CTNNA3: variants seen among roughly 807,000 people sequenced by gnomAD.
CTNNA3 encodes catenin alpha 3, also known as catenin alpha-3.
In CTNNA3, 76 loss-of-function variants were observed where a neutral mutation model predicts 95.7. That is an observed-to-expected ratio of 0.79 (90% CI 0.66 to 0.96). The LOEUF (loss-of-function observed/expected upper bound fraction) is 0.96. Among genes scored for constraint, CTNNA3 ranks in the 40% least tolerant of loss-of-function variants. The pLI, the probability that CTNNA3 is intolerant of heterozygous loss-of-function variation, is 0.00. For missense variants in CTNNA3, 1,191 were observed against 1,089.8 expected, an observed-to-expected ratio of 1.09 and a Z score of -1.31; for synonymous variants, 431 against 374.4, an observed-to-expected ratio of 1.15 and a Z score of -1.74.
At chr10:67,156,002 G>A (rs952134078) in intron 7 of CTNNA3, among the ~76,000 whole-genome samples, 6 of 151,782 alleles carry the variant, frequency 4.0e-5, no homozygotes, top group Admixed American at 2.6e-4. Context: ...TTTTTTATTT[G>A]TTCATGATTC....
At chr10:66,234,171 T>C (rs1167816182) in intron 13 of CTNNA3, among the ~76,000 whole-genome samples, 1 of 152,214 alleles carries the variant, frequency 6.6e-6, no homozygotes, top group Non-Finnish European at 1.5e-5. Context: ...AATGCTTTCA[T>C]GGGTGTTTTC....
At chr10:66,406,542 A>G (rs1042624961) in intron 11 of CTNNA3, among the ~76,000 whole-genome samples, 2 of 152,210 alleles carry the variant, frequency 1.3e-5, no homozygotes, top group Admixed American at 6.5e-5. Context: ...TGTTATAATA[A>G]TAAGCTGATG....
chr10:67,132,279 A>G (rs1860053604), intron 7 of CTNNA3, among the ~76,000 whole-genome samples: 1 of 152,106 alleles, frequency 6.6e-6, no homozygotes, highest in Non-Finnish European at 1.5e-5. Context: ...ATGGAGATCA[A>G]CTGCTGAATT....
chr10:67,022,688 A>G (rs1428666368), intron 7 of CTNNA3, among the ~76,000 whole-genome samples: 1 of 152,180 alleles, frequency 6.6e-6, no homozygotes, highest in Non-Finnish European at 1.5e-5. Context: ...CTTTAATCCC[A>G]GCATTTTGGG....
chr10:67,228,613 CA>C (rs35051801), intron 5 of CTNNA3, among the ~76,000 whole-genome samples: 6 of 147,948 alleles, frequency 4.1e-5, no homozygotes, highest in South Asian at 2.1e-4. Flanking sequence ...AACTCCATCT[CA>C]AAAAAAAAAT....
chr10:66,173,138 G>A (rs1183711046), intron 13 of CTNNA3, among the ~76,000 whole-genome samples: 1 of 152,134 alleles, frequency 6.6e-6, no homozygotes, highest in Non-Finnish European at 1.5e-5. Flanking sequence ...TAATCTATTA[G>A]AAGGGTTTCA....
intron 9 of CTNNA3, among the ~76,000 whole-genome samples, chr10:66,679,711 A>C (rs916466761): frequency 6.6e-6 from 1 of 152,208 alleles, no homozygotes; most frequent in African/African-American, 2.4e-5. Flanking sequence ...TAAGTGGGAA[A>C]AATAAGCTAA....
At chr10:66,880,027 G>C (rs1844784954) in intron 7 of CTNNA3, among the ~76,000 whole-genome samples, 1 of 152,096 alleles carries the variant, frequency 6.6e-6, no homozygotes, top group Non-Finnish European at 1.5e-5. Flanking sequence ...AAAGAAGATT[G>C]TTCTGGCAGC....
chr10:67,656,951 A>G (rs916123504), intron 1 of CTNNA3, among the ~76,000 whole-genome samples: 2 of 152,228 alleles, frequency 1.3e-5, no homozygotes, highest in Non-Finnish European at 2.9e-5. Flanking sequence ...TCTGGTGAAT[A>G]GAACGAAGTA....
chr10:66,068,024 A>G lies in CTNNA3; in HGVS notation c.2159+1284T>C, dbSNP rs187090943. ...ATGCACGTATGAAAAGTTTATAAAGATTTTCATTTTACGCATATTCCCAAA... is the reference window on the plus strand; with the variant it reads ...ATGCACGTATGAAAAGTTTATAAAGGTTTTCATTTTACGCATATTCCCAAA... On this transcript the variant is annotated intron_variant, in intron 15 of 17. Coordinates refer to ENST00000433211, the MANE Select transcript of CTNNA3 (RefSeq NM_013266.4). Among the ~76,000 whole-genome samples the G allele has an allele frequency of 2.6e-3, 392 of 152,206 alleles. 1 individual carries two copies. Among genetic ancestry groups the G allele is most frequent in the Non-Finnish European group, 4.2e-3 (285 of 68,008 alleles).
chr10:67,751,524 TAA>T (rs1841407041), intron 1 of CTNNA3, among the ~76,000 whole-genome samples: 1 of 150,400 alleles, frequency 6.6e-6, no homozygotes, highest in Non-Finnish European at 1.5e-5. Flanking sequence ...GATGTAAAGA[TAA>T]ATAATAAAAA....
At chr10:66,447,326 T>G (rs2093430166) in intron 11 of CTNNA3, among the ~76,000 whole-genome samples, 1 of 151,060 alleles carries the variant, frequency 6.6e-6, no homozygotes, top group Non-Finnish European at 1.5e-5. Context: ...AAAAACTACT[T>G]TAAAGGTCAT....
chr10:67,395,977 A>G (rs992154360), intron 5 of CTNNA3, among the ~76,000 whole-genome samples: 2 of 152,190 alleles, frequency 1.3e-5, no homozygotes, highest in South Asian at 4.1e-4. Context: ...AGTATTATTA[A>G]CAGTAAATAT....
chr10:67,315,765 A>G (rs1394525687), intron 5 of CTNNA3, among the ~76,000 whole-genome samples: 1 of 152,134 alleles, frequency 6.6e-6, no homozygotes, highest in Non-Finnish European at 1.5e-5. Flanking sequence ...AAAGAATAAG[A>G]TATCAAAAAT....
chr10:67,756,102 G>A (rs1841431551), intron 1 of CTNNA3, among the ~76,000 whole-genome samples: 1 of 152,122 alleles, frequency 6.6e-6, no homozygotes, highest in Admixed American at 6.5e-5. Flanking sequence ...TATGTGGGAG[G>A]TAAAACAGTG....
At chr10:65,945,240 A>G (rs749088329) in intron 17 of CTNNA3, among the ~76,000 whole-genome samples, 1 of 152,112 alleles carries the variant, frequency 6.6e-6, no homozygotes, top group Non-Finnish European at 1.5e-5. Context: ...GGTTGGCTCA[A>G]TTGTGAAAAA....
intron 3 of CTNNA3, among the ~76,000 whole-genome samples, chr10:67,578,941 AT>A (rs1263291948): frequency 1.4e-5 from 2 of 142,484 alleles, no homozygotes; most frequent in East Asian, 4.0e-4. Context: ...GGTTTTATTG[AT>A]TGGCCATGTT....
Position 66,732,174 on chromosome 10 carries a change from C to T in CTNNA3, c.1281+34090G>A, listed in dbSNP as rs980440744. 2.6e-5 allele frequency among the ~76,000 whole-genome samples: 4 copies of T among 152,274 alleles called. No individual in the cohort carries two copies. In the Middle Eastern group the frequency reaches 0.014, roughly 518 times the overall value. On this transcript the variant is annotated intron_variant, in intron 9 of 17. Coordinates refer to ENST00000433211, the MANE Select transcript of CTNNA3 (RefSeq NM_013266.4). The stretch of plus-strand genomic sequence containing the variant: ...GGAGAGGTTGCCCATGCAACATATC[C>T]TACAGATTTGAGTCAGCTAGACTAG...
intron 7 of CTNNA3, among the ~76,000 whole-genome samples, chr10:66,824,192 A>G (rs1447304692): frequency 6.6e-6 from 1 of 152,144 alleles, no homozygotes; most frequent in East Asian, 1.9e-4. Flanking sequence ...TTGAGAGTAT[A>G]TAAGAAAATG....
Sources: gnomAD v4.1 joint callset for allele counts (sites outside exome capture counted in the v4.1 genomes callset) on GRCh38, gnomAD v4.1.1 for gene constraint, MANE v1.5 for transcripts, NCBI Gene and HGNC (gene_info 2026-07-23, HGNC 2026-07-21) for gene names.